The following CCNL2 variants were observed in gnomAD, a reference collection of about 807,000 sequenced individuals.
CCNL2 encodes cyclin-L2.
Under a neutral mutation model 59.1 loss-of-function variants are expected in CCNL2, and 28 were observed. The ratio of observed to expected loss-of-function variants is 0.47; its 90% CI spans 0.35 to 0.65. The LOEUF (loss-of-function observed/expected upper bound fraction) is 0.65, where lower values mean the gene tolerates loss of function less well. Among genes scored for constraint, CCNL2 ranks in the 30% least tolerant of loss-of-function variants. The pLI is 0.00. For missense variants in CCNL2, 714 were observed against 717.4 expected (o/e 1.00, Z 0.05); for synonymous variants, 342 against 288.6 (o/e 1.19, Z -1.88).
chr1:1,388,559 G>C (rs1406184471), intron 8 of CCNL2: 2 of 338,014 alleles, frequency 5.9e-6, no homozygotes, highest in African/African-American at 6.7e-5. Context: ...AAACATGTGA[G>C]TGTGTGTCTC....
At position 1,387,798 on chromosome 1, in the gene CCNL2, C is replaced by G; in HGVS notation, c.1190G>C (p.Arg397Pro). The stretch of plus-strand genomic sequence containing the variant: ...ACACCTCCTCTTAGGAGACGCTGAT[C>G]GGGATGGGGACCTCGAGTAGCTCTG... ...REQSYSRSPS[R>P]SASPKRRKSD... Residue 397 changes from arginine (R) to proline (P), a missense_variant, in exon 10 of 11, where the codon CGA becomes CCA. By Grantham distance (103) the Arg-to-Pro change is moderately radical. Coordinates refer to ENST00000400809, the MANE Select transcript of CCNL2 (RefSeq NM_030937.6). 1.2e-6 allele frequency: 2 copies of G among 1,612,880 alleles called. No homozygotes were observed. Among genetic ancestry groups the G allele is most frequent in the South Asian group, 1.1e-5 (1 of 90,840 alleles).
intron 4 of CCNL2, 106 bp downstream of exon 4, chr1:1,395,288 T>C (rs1644956749): frequency 8.1e-7 from 1 of 1,232,000 alleles, no homozygotes; most frequent in Admixed American, 2.5e-5. Context: ...AAGTCAGGGA[T>C]GCACTCAGTC....
At position 1,398,224 on chromosome 1, in the gene CCNL2, C is replaced by T. The variant is rs1645157799; in HGVS notation, c.473+9G>A. 6.2e-7 allele frequency: 1 copy of T among 1,613,750 alleles called. No homozygotes were observed. The highest frequency in any genetic ancestry group is 1.1e-5 in the South Asian group (1 of 91,072). Reference sequence around the variant, plus strand: ...TCTATGATAGACTAGACAGCTCTGACTGACTCACTTTTTGTCTCTCAGCTG... The same window carrying T: ...TCTATGATAGACTAGACAGCTCTGATTGACTCACTTTTTGTCTCTCAGCTG... On this transcript the variant is annotated intron_variant, in intron 3 of 10. Coordinates refer to ENST00000400809, the MANE Select transcript of CCNL2 (RefSeq NM_030937.6).
At chr1:1,391,402 T>C (rs1644754656) in intron 5 of CCNL2, 1 of 1,186,490 alleles carries the variant, frequency 8.4e-7, no homozygotes. Flanking sequence ...AGGCCCCTTC[T>C]CTGCTGACCG....
intron 2 of CCNL2, 54 bp from the exon 3 acceptor site, chr1:1,398,396 G>A (rs868619008): frequency 5.6e-5 from 90 of 1,611,562 alleles, no homozygotes; most frequent in Non-Finnish European, 7.1e-5. Context: ...ACGGCGTCCT[G>A]ACGGCCGCCA....
At position 1,387,552 on chromosome 1, in the gene CCNL2, C is replaced by A; in HGVS notation, c.1242G>T (p.Gly414=). 1 of 1,521,796 alleles carries A rather than the reference C, an allele frequency of 6.6e-7. No individual in the cohort carries two copies. Among genetic ancestry groups the A allele is most frequent in the Non-Finnish European group, 8.8e-7 (1 of 1,136,850 alleles). The allele number at this position is 1,521,796 out of a possible 1,614,324, so 94.3% of individuals were successfully genotyped here. Reference sequence around the variant, plus strand: ...TCCGGGAGCGGCTCTGCGACTTGGACCCACCAGATGTGGAGCCGCTGTCAC... The same window carrying A: ...TCCGGGAGCGGCTCTGCGACTTGGAACCACCAGATGTGGAGCCGCTGTCAC... ...RKSDSGSTSG[G]SKSQSRSRSR... Residue 414 remains glycine (G), a synonymous_variant, in exon 11 of 11, where the codon GGG becomes GGT. Coordinates refer to ENST00000400809, the MANE Select transcript of CCNL2 (RefSeq NM_030937.6).
rs1382547095 is a variant in CCNL2 at position 1,398,350 on chromosome 1, G to A, written c.364-8C>T. On this transcript the variant is annotated splice_polypyrimidine_tract_variant and splice_region_variant and intron_variant, in intron 2 of 10. Transcript: ENST00000400809. ...ACAGGCCATTGACACATGCTGAAGC[G>A]GAAGCATTGCAACACGCCCATGTTT... is the stretch of plus-strand genomic sequence containing the variant. The A allele has an allele frequency of 1.2e-6, 2 of 1,613,998 alleles. No individual in the cohort carries two copies. The highest frequency in any genetic ancestry group is 2.7e-5 in the African/African-American group (2 of 75,028).
intron 9 of CCNL2, 23 bp downstream of exon 9, chr1:1,387,931 C>T (rs769352032): frequency 1.9e-6 from 3 of 1,613,172 alleles, no homozygotes; most frequent in African/African-American, 2.7e-5. Flanking sequence ...CTGACAGCCA[C>T]CTGGGCAGCC....
intron 8 of CCNL2, chr1:1,389,061 C>G (rs1644620589): frequency 5.9e-6 from 1 of 170,072 alleles, no homozygotes; most frequent in South Asian, 1.1e-4. Flanking sequence ...GGTAACAAGA[C>G]AGAAACTCTG....
chr1:1,398,498 G>A (rs926542696), intron 2 of CCNL2, 99 bp downstream of exon 2: 1 of 1,568,632 alleles, frequency 6.4e-7, no homozygotes, highest in Non-Finnish European at 8.7e-7. Flanking sequence ...AGCTCAGACT[G>A]GGGGGCAAGT....
At chr1:1,395,644 C>T (rs1644977815) in intron 3 of CCNL2, 130 bp from the exon 4 acceptor site, 7 of 1,347,552 alleles carry the variant, frequency 5.2e-6, no homozygotes, top group South Asian at 1.3e-5. Flanking sequence ...AAGTCCACAT[C>T]CTCTGATGAA....
At position 1,387,252 on chromosome 1, in the gene CCNL2, C is replaced by CCCA; in HGVS notation, c.1539_1541dup (p.Gly514dup). The stretch of plus-strand genomic sequence containing the variant: ...CGCCTCACCTCCGATGCCTGCTGTG[C>CCCA]CCAGGGTGGTCCCGCTCATAGCGAC... On this transcript the variant is annotated inframe_insertion, in exon 11 of 11. Transcript: ENST00000400809. 1 of 1,607,944 alleles carries CCCA rather than the reference C, an allele frequency of 6.2e-7. No individual in the cohort carries two copies. The highest frequency in any genetic ancestry group is 1.7e-5 in the Admixed American group (1 of 60,022).
intron 1 of CCNL2, 144 bp downstream of exon 1, chr1:1,398,875 T>G (rs1645204063): frequency 7.1e-7 from 1 of 1,403,636 alleles, no homozygotes; most frequent in Non-Finnish European, 9.3e-7. Context: ...ATGGGCTGGC[T>G]AGGGAATGGC....
chr1:1,391,067 G>A, intron 5 of CCNL2: 1 of 1,021,066 alleles, frequency 9.8e-7, no homozygotes, highest in Non-Finnish European at 1.3e-6. Flanking sequence ...GTAAATACAG[G>A]ACAGAAAGGC....
intron 2 of CCNL2, 88 bp downstream of exon 2, chr1:1,398,509 A>C: frequency 6.4e-7 from 1 of 1,574,324 alleles, no homozygotes; most frequent in South Asian, 1.1e-5. Context: ...GGGGGCAAGT[A>C]CTCACTCCCT....
intron 5 of CCNL2, chr1:1,392,419 T>C (rs549203292): frequency 3.5e-6 from 4 of 1,133,964 alleles, no homozygotes; most frequent in East Asian, 9.8e-5. Flanking sequence ...TCAGGGCTTC[T>C]AGAAATCATG....
intron 8 of CCNL2, chr1:1,388,563 G>GTCTC (rs747446653): frequency 3.0e-6 from 1 of 336,210 alleles, no homozygotes; most frequent in Non-Finnish European, 6.0e-6. Flanking sequence ...ATGTGAGTGT[G>GTCTC]TGTCTCTCTC....
chr1:1,397,089 T>C (rs1645077012), intron 3 of CCNL2, among the ~76,000 whole-genome samples: 1 of 151,876 alleles, frequency 6.6e-6, no homozygotes, highest in Admixed American at 6.6e-5. Context: ...ACCATATTGG[T>C]TAGGCTGGTC....
Position 1,387,962 on chromosome 1 carries a change from G to C in CCNL2, c.1110C>G (p.Pro370=). 6.2e-7 allele frequency: 1 copy of C among 1,614,006 alleles called. No individual in the cohort carries two copies. The highest frequency in any genetic ancestry group is 8.5e-7 in the Non-Finnish European group (1 of 1,179,974). The change falls in exon 9 of 11, where the codon CCC becomes CCG. Residue 370 remains proline, a synonymous_variant. Transcript: ENST00000400809. ...CAGCCCTGGGGTCCTACCCGTTCAC[G>C]GGGCTGTCCGCCTTGGCTTTCTTGG... The part of the protein sequence containing the change: ...EGAKKAKADS[P]VNGLPKGRES...
Sources: gnomAD v4.1 joint callset for allele counts (sites outside exome capture counted in the v4.1 genomes callset) on GRCh38, gnomAD v4.1.1 for gene constraint, MANE v1.5 for transcripts, NCBI Gene and HGNC (gene_info 2026-07-23, HGNC 2026-07-21) for gene names.